The following GABPB2 variants were observed in gnomAD, a reference collection of about 807,000 sequenced individuals.
GABPB2 encodes the protein GA binding protein transcription factor subunit beta 2.
In GABPB2, 23 loss-of-function variants were observed where a neutral mutation model predicts 39.1. The observed-to-expected ratio is 0.59, with a 90% CI of 0.42 to 0.83. GABPB2 has a LOEUF of 0.83. GABPB2 is among the 40% of genes least tolerant of loss of function. The pLI is 0.00. For synonymous variants in GABPB2, 184 were observed against 199.3 expected, an observed-to-expected ratio of 0.92 and a Z score of 0.65; for missense variants, 467 against 541.1, an observed-to-expected ratio of 0.86 and a Z score of 1.36.
chr1:151,076,355 T>C (rs754519002), intron 1 of GABPB2, among the ~76,000 whole-genome samples: 16 of 152,174 alleles, frequency 1.1e-4, no homozygotes, highest in Non-Finnish European at 2.1e-4. Context: ...AGATCACTGG[T>C]TGGTTCACAG....
At chr1:151,108,188 G>A (rs1680118505) in intron 7 of GABPB2, among the ~76,000 whole-genome samples, 1 of 152,030 alleles carries the variant, frequency 6.6e-6, no homozygotes, top group African/African-American at 2.4e-5. Context: ...TTGTTTGTTT[G>A]AGATGGAGTT....
intron 1 of GABPB2, among the ~76,000 whole-genome samples, chr1:151,080,857 CAAAAAA>C (rs773278566): frequency 7.4e-6 from 1 of 134,616 alleles, no homozygotes; most frequent in African/African-American, 2.7e-5. Context: ...CTATGTCTCA[CAAAAAA>C]AAAATAAAAA....
rs587629929 is a variant in GABPB2, at chr1:151,122,179, G to A, written c.*3923G>A. Reference sequence around the variant, plus strand: ...GATTTATAGGCAAAAATATCAGTTTGGAAATTAACCTTGGCTACTGGCCAC... The same window carrying A: ...GATTTATAGGCAAAAATATCAGTTTAGAAATTAACCTTGGCTACTGGCCAC... On this transcript the variant is annotated 3_prime_UTR_variant, in exon 9 of 9. Coordinates refer to ENST00000368918, the MANE Select transcript of GABPB2 (RefSeq NM_144618.3). 3 of 152,248 alleles carry A rather than the reference G, an allele frequency of 2.0e-5. No homozygotes were observed. Among genetic ancestry groups the A allele is most frequent in the African/African-American group, 7.2e-5 (3 of 41,536 alleles). The allele number at this position is 152,248 out of a possible 1,614,324, so 9.4% of individuals were successfully genotyped here.
At chr1:151,104,861 C>T (rs948312408) in intron 6 of GABPB2, among the ~76,000 whole-genome samples, 1 of 131,630 alleles carries the variant, frequency 7.6e-6, no homozygotes, top group African/African-American at 2.7e-5. Context: ...TTTCTTTCTC[C>T]TTCCCTCCCT....
Position 151,094,640 on chromosome 1 carries a change from C to T in GABPB2, c.471+1254C>T, listed in dbSNP as rs587720562. Among the ~76,000 whole-genome samples the T allele has an allele frequency of 2.0e-3, 307 of 149,928 alleles. 1 individual carries two copies. The highest frequency in any genetic ancestry group is 3.7e-3 in the Non-Finnish European group (248 of 67,522). On this transcript the variant is annotated intron_variant, in intron 4 of 8. Transcript: ENST00000368918. The stretch of plus-strand genomic sequence containing the variant: ...CTGGGATTACAGGCGTGAGCCACTG[C>T]GCCTGGCCTGCCCATTAATTTCTTA...
intron 1 of GABPB2, among the ~76,000 whole-genome samples, chr1:151,080,199 G>A (rs1477270243): frequency 2.5e-5 from 3 of 120,192 alleles, no homozygotes; most frequent in Non-Finnish European, 5.0e-5. Context: ...TGGGCAACAA[G>A]AGCCAAACTC....
intron 5 of GABPB2, among the ~76,000 whole-genome samples, chr1:151,102,282 C>A (rs755755995): frequency 4.8e-4 from 73 of 152,212 alleles, no homozygotes; most frequent in Non-Finnish European, 7.1e-4. Context: ...GACCGTGCTA[C>A]TGCACTCCAG....
chr1:151,087,672 T>C (rs1678320280), intron 1 of GABPB2, among the ~76,000 whole-genome samples: 1 of 151,968 alleles, frequency 6.6e-6, no homozygotes, highest in Non-Finnish European at 1.5e-5. Flanking sequence ...TACAGTTTTA[T>C]TTGGAAACCT....
intron 6 of GABPB2, among the ~76,000 whole-genome samples, chr1:151,103,997 T>A (rs932758782): frequency 3.3e-5 from 5 of 152,208 alleles, no homozygotes; most frequent in Non-Finnish European, 5.9e-5. Context: ...CTATGTTATG[T>A]TTTGACTGAT....
In GABPB2 at chr1:151,122,719, T is replaced by C. The variant is rs587720416; in HGVS notation, c.*4463T>C. 1.3e-5 allele frequency: 2 copies of C among 152,248 alleles called. No homozygotes were observed. Among genetic ancestry groups the C allele is most frequent in the East Asian group, 1.9e-4 (1 of 5,182 alleles). The allele number at this position is 152,248 out of a possible 1,614,324, so 9.4% of individuals were successfully genotyped here. A position where few individuals can be genotyped will look rare whatever the true frequency, so the allele number is the denominator to read the frequency against. On this transcript the variant is annotated 3_prime_UTR_variant, in exon 9 of 9. Transcript: ENST00000368918. ...TGGGGGAATTCTTTAGCAGATCTTATTGTTCTTTCTGCAGAAGCTATCATT... is the reference window on the plus strand; with the variant it reads ...TGGGGGAATTCTTTAGCAGATCTTACTGTTCTTTCTGCAGAAGCTATCATT...
chr1:151,072,518 C>G (rs1676814154), intron 1 of GABPB2, among the ~76,000 whole-genome samples: 1 of 152,074 alleles, frequency 6.6e-6, no homozygotes, highest in Non-Finnish European at 1.5e-5. Context: ...CACTGCACTC[C>G]AGCCTGGACC....
rs140412219 is a variant in GABPB2, at chr1:151,095,842, T to A, written c.472-2010T>A. Among the ~76,000 whole-genome samples the A allele has an allele frequency of 4.4e-3, 672 of 152,086 alleles. 4 individuals carry two copies. The highest frequency in any genetic ancestry group is 0.015 in the African/African-American group (642 of 41,496). On this transcript the variant is annotated intron_variant, in intron 4 of 8. Coordinates refer to ENST00000368918, the MANE Select transcript of GABPB2 (RefSeq NM_144618.3). ...TGAGGTCAGGACTTCAAGACCAGCC[T>A]GGCCAACATGGTGAAACCTCATCTT...
At chr1:151,112,749 G>A (rs1680551407) in intron 7 of GABPB2, 2 of 186,020 alleles carry the variant, frequency 1.1e-5, no homozygotes, top group African/African-American at 2.3e-5. Flanking sequence ...AGAGTGCAAC[G>A]AGGTAAAAGG....
intron 1 of GABPB2, among the ~76,000 whole-genome samples, chr1:151,084,082 A>G (rs115440358): frequency 0.032 from 4,794 of 150,124 alleles, 258 homozygotes; most frequent in African/African-American, 0.11. Context: ...ATATTTTTTT[A>G]ATGTGGAAAT....
intron 1 of GABPB2, among the ~76,000 whole-genome samples, chr1:151,074,327 T>C (rs587601517): frequency 0.011 from 1,577 of 137,842 alleles, 19 homozygotes; most frequent in African/African-American, 0.041. Context: ...TTTTTTTTTT[T>C]CCAGACGGAG....
At chr1:151,088,945 A>G (rs1483811243) in intron 2 of GABPB2, among the ~76,000 whole-genome samples, 1 of 152,116 alleles carries the variant, frequency 6.6e-6, no homozygotes, top group African/African-American at 2.4e-5. Context: ...GGTTGCAGTG[A>G]GCGGAGATTG....
At chr1:151,092,070 G>A (rs1678758785) in intron 3 of GABPB2, among the ~76,000 whole-genome samples, 1 of 148,260 alleles carries the variant, frequency 6.7e-6, no homozygotes, top group Non-Finnish European at 1.5e-5. Flanking sequence ...ACTGACAGGT[G>A]TGGGGTTACT....
In GABPB2 at chr1:151,123,066, G is replaced by T. The variant is rs1681237645; in HGVS notation, c.*4810G>T. On this transcript the variant is annotated 3_prime_UTR_variant, in exon 9 of 9. Coordinates refer to ENST00000368918, the MANE Select transcript of GABPB2 (RefSeq NM_144618.3). ...TTTCATGACTTTGCATATCTTTCTG[G>T]ATTAGTCATGGAAGTTGGGGAAATA... 2 of 152,156 alleles carry T rather than the reference G, an allele frequency of 1.3e-5. No homozygotes were observed. The highest frequency in any genetic ancestry group is 3.8e-4 in the East Asian group (2 of 5,196). 9.4% of individuals were successfully genotyped at this position (152,156 alleles called of 1,614,324 possible).
intron 3 of GABPB2, 55 bp downstream of exon 3, chr1:151,090,628 T>C (rs1368096055): frequency 6.5e-7 from 1 of 1,542,420 alleles, no homozygotes; most frequent in Non-Finnish European, 8.9e-7. Context: ...CACTTTCCTG[T>C]TTTCTTACTT....
Sources: allele counts gnomAD v4.1 joint callset (sites outside exome capture counted in the v4.1 genomes callset), GRCh38; gene constraint gnomAD v4.1.1; transcripts MANE v1.5; gene names NCBI Gene and HGNC (gene_info 2026-07-23, HGNC 2026-07-21).